The following LIPA variants were observed in gnomAD, a reference collection of about 807,000 sequenced individuals.
LIPA encodes the protein lysosomal acid lipase/cholesteryl ester hydrolase.
Under a neutral mutation model 40.6 loss-of-function variants are expected in LIPA, and 26 were observed. The observed-to-expected ratio is 0.64, with a 90% CI of 0.47 to 0.89. The LOEUF (loss-of-function observed/expected upper bound fraction) is 0.89. Ranked by LOEUF, LIPA falls within the 40% of genes least tolerant of loss-of-function variation. The pLI is 0.00. For synonymous variants in LIPA, 188 were observed against 168.4 expected, an observed-to-expected ratio of 1.12 and a Z score of -0.90; for missense variants, 455 against 479.6, an observed-to-expected ratio of 0.95 and a Z score of 0.48.
rs1250545432 is a variant in LIPA, at chr10:89,247,611, A to C, written c.38T>G (p.Val13Gly). The C allele has an allele frequency of 1.2e-6, 2 of 1,612,952 alleles. No individual in the cohort carries two copies. Among genetic ancestry groups the C allele is most frequent in the Non-Finnish European group, 1.7e-6 (2 of 1,179,206 alleles). The change falls in exon 2 of 10, where the codon GTT (valine) becomes GGT (glycine). Residue 13 changes from valine to glycine, a missense_variant. By Grantham distance (109) the Val-to-Gly change is moderately radical. Transcript: ENST00000336233. ...CCCCTCAGAATGCAGGGTCCAGAGA[A>C]CCAAACAGACCACCAACCCCAAGAA... ...MRFLGLVVCL[V>G]LWTLHSEGSG...
In LIPA at chr10:89,384,857, G is replaced by A. The variant is rs1844194085; in HGVS notation, c.61+27934C>T. The A allele has an allele frequency of 1.0e-5, 9 of 867,226 alleles. No homozygotes were observed. In the Admixed American group the frequency reaches 2.1e-4, roughly 21 times the overall value. The allele number at this position is 867,226 out of a possible 1,614,324, so 53.7% of individuals were successfully genotyped here. ...CCTTATTTTGAGCCTTGAGAGGAAT[G>A]TGGCTGTGTGGCCTGAGTTATGTAG... On this transcript the variant is annotated intron_variant, in intron 2 of 8. Transcript: ENST00000371837.
chr10:89,311,647 T>C (rs1384513781), intron 1 of LIPA, among the ~76,000 whole-genome samples: 1 of 152,164 alleles, frequency 6.6e-6, no homozygotes, highest in Non-Finnish European at 1.5e-5. Flanking sequence ...CTTCTAATTG[T>C]TGATTAAGGA....
chr10:89,232,159 T>C (rs1475711843), intron 3 of LIPA, among the ~76,000 whole-genome samples: 5 of 152,218 alleles, frequency 3.3e-5, no homozygotes, highest in Non-Finnish European at 5.9e-5. Flanking sequence ...ACAGGCACCA[T>C]CATCATCTCA....
At chr10:89,369,253 G>T (rs148401750) in intron 2 of LIPA, among the ~76,000 whole-genome samples, 4 of 152,296 alleles carry the variant, frequency 2.6e-5, no homozygotes, top group Non-Finnish European at 5.9e-5. Context: ...TGGGGCCCCA[G>T]AATGTCTCTT....
At chr10:89,313,494 T>C (rs1403761024) in intron 1 of LIPA, among the ~76,000 whole-genome samples, 3 of 152,208 alleles carry the variant, frequency 2.0e-5, no homozygotes, top group African/African-American at 7.2e-5. Flanking sequence ...GTTCTTCAAA[T>C]GGTTAAACAT....
At chr10:89,412,309 G>A (rs559587376) in intron 2 of LIPA, among the ~76,000 whole-genome samples, 5 of 152,130 alleles carry the variant, frequency 3.3e-5, no homozygotes, top group African/African-American at 1.2e-4. Context: ...AGCACTCTGT[G>A]TGTAGCTAAA....
At chr10:89,409,117 G>A (rs545235024) in intron 2 of LIPA, among the ~76,000 whole-genome samples, 93 of 152,318 alleles carry the variant, frequency 6.1e-4, no homozygotes, top group African/African-American at 2.1e-3. Flanking sequence ...AATCACTAGA[G>A]GGTCAATTGA....
intron 2 of LIPA, among the ~76,000 whole-genome samples, chr10:89,349,953 T>C (rs1843948182): frequency 1.3e-5 from 2 of 152,160 alleles, no homozygotes; most frequent in African/African-American, 4.8e-5. Context: ...CCTACTTCCA[T>C]TCAAGAAACG....
At chr10:89,238,620 C>T (rs1052319865) in intron 3 of LIPA, among the ~76,000 whole-genome samples, 5 of 152,220 alleles carry the variant, frequency 3.3e-5, no homozygotes, top group African/African-American at 1.2e-4. Context: ...ACCAACTCCT[C>T]CTCTTCCTCC....
At chr10:89,349,307 G>A (rs1233054906) in intron 2 of LIPA, among the ~76,000 whole-genome samples, 1 of 151,796 alleles carries the variant, frequency 6.6e-6, no homozygotes, top group Non-Finnish European at 1.5e-5. Context: ...CCCTAAGTAA[G>A]TTGCCTACAT....
chr10:89,387,226 C>G lies in LIPA; in HGVS notation c.61+25565G>C, dbSNP rs376262790. Reference sequence around the variant, plus strand: ...AGCTACTCGGGAGGCTGAGGCAGGACAATGGCGTGAACCCAGGAGGTGGAG... The same window carrying G: ...AGCTACTCGGGAGGCTGAGGCAGGAGAATGGCGTGAACCCAGGAGGTGGAG... On this transcript the variant is annotated intron_variant, in intron 2 of 8. Coordinates refer to the LIPA transcript ENST00000371837. 1.8e-3 allele frequency among the ~76,000 whole-genome samples: 262 copies of G among 147,710 alleles called. 5 individuals carry two copies. In the East Asian group the frequency reaches 0.045, roughly 25 times the overall value.
At chr10:89,338,626 G>A in intron 1 of LIPA, 4 of 1,583,876 alleles carry the variant, frequency 2.5e-6, no homozygotes, top group East Asian at 2.2e-5. Context: ...GCTTGGCAGT[G>A]TACATCACAG....
intron 2 of LIPA, among the ~76,000 whole-genome samples, chr10:89,350,315 C>CTTTTTTTTTTT (rs71471123): frequency 0.042 from 6,062 of 145,384 alleles, 227 homozygotes; most frequent in East Asian, 0.096. Context: ...GTGAAGTTAC[C>CTTTTTTTTTTT]TTTTTTTTTA....
chr10:89,253,405 CT>C (rs1289859355), upstream of LIPA, among the ~76,000 whole-genome samples: 3 of 152,214 alleles, frequency 2.0e-5, no homozygotes, highest in Non-Finnish European at 4.4e-5. Flanking sequence ...GGATTTTCCT[CT>C]TATAAAACCA....
At chr10:89,407,605 C>G (rs1481632814) in intron 2 of LIPA, among the ~76,000 whole-genome samples, 2 of 152,198 alleles carry the variant, frequency 1.3e-5, no homozygotes, top group Non-Finnish European at 2.9e-5. Context: ...AGACAAAAGG[C>G]ATTACGCTTC....
intron 2 of LIPA, among the ~76,000 whole-genome samples, chr10:89,366,880 G>A (rs575766831): frequency 6.6e-6 from 1 of 152,266 alleles, no homozygotes; most frequent in African/African-American, 2.4e-5. Context: ...GCACACGTAT[G>A]TTTATTGCAG....
intron 1 of LIPA, chr10:89,339,800 G>T: frequency 6.2e-7 from 1 of 1,614,172 alleles, no homozygotes; most frequent in Non-Finnish European, 8.5e-7. Context: ...GTGCAACATG[G>T]TTTAGAGGGT....
chr10:89,323,811 T>G (rs1004989981), intron 1 of LIPA, among the ~76,000 whole-genome samples: 1 of 152,182 alleles, frequency 6.6e-6, no homozygotes, highest in Admixed American at 6.5e-5. Flanking sequence ...GAAATGCTCA[T>G]GGATAGGAAG....
intron 2 of LIPA, chr10:89,383,638 G>A (rs1163348436): frequency 4.3e-6 from 7 of 1,614,076 alleles, no homozygotes; most frequent in Non-Finnish European, 5.9e-6. Flanking sequence ...TTACCACATG[G>A]GCAGATTGGC....
Sources: gnomAD v4.1 joint callset for allele counts (sites outside exome capture counted in the v4.1 genomes callset) on GRCh38, gnomAD v4.1.1 for gene constraint, MANE v1.5 for transcripts, NCBI Gene and HGNC (gene_info 2026-07-23, HGNC 2026-07-21) for gene names.